RYR3: variants seen among roughly 807,000 people sequenced by gnomAD.
The protein encoded by RYR3 is brain ryanodine receptor-calcium release channel.
RYR3 carries 207 observed loss-of-function variants against 584.3 expected under a neutral mutation model. The ratio of observed to expected loss-of-function variants is 0.35; its 90% confidence interval spans 0.32 to 0.40. RYR3 has a LOEUF of 0.40. RYR3 is among the 10% of genes least tolerant of loss of function. The pLI, the probability that RYR3 is intolerant of heterozygous loss-of-function variation, is 1.00. For synonymous variants in RYR3, 2,416 were observed against 2,248.5 expected (o/e 1.07, Z -2.11); for missense variants, 5,616 against 6,089.2 (o/e 0.92, Z 2.59).
chr15:33,764,318 A>G (rs1329624380), intron 60 of RYR3, among the ~76,000 whole-genome samples: 2 of 151,820 alleles, frequency 1.3e-5, no homozygotes, highest in Non-Finnish European at 3.0e-5. Flanking sequence ...TCAGCAAACT[A>G]ACACAGGAAC....
At chr15:33,799,809 G>T (rs2075824720) in intron 67 of RYR3, among the ~76,000 whole-genome samples, 2 of 152,176 alleles carry the variant, frequency 1.3e-5, no homozygotes, top group Non-Finnish European at 2.9e-5. Context: ...CTAAATCCAG[G>T]TAGTTAGTGT....
At chr15:33,548,898 C>A in intron 9 of RYR3, among the ~76,000 whole-genome samples, 1 of 152,096 alleles carries the variant, frequency 6.6e-6, no homozygotes, top group Non-Finnish European at 1.5e-5. Flanking sequence ...TCTGATTTTC[C>A]TTCTCTGCCT....
chr15:33,765,211 AAG>A (rs1276791891), intron 60 of RYR3, among the ~76,000 whole-genome samples: 2 of 152,130 alleles, frequency 1.3e-5, no homozygotes, highest in Non-Finnish European at 1.5e-5. Context: ...GAAATGAGAA[AAG>A]AGGGGATAGG....
chr15:33,579,317 G>A (rs764821254), intron 12 of RYR3, among the ~76,000 whole-genome samples: 17 of 152,110 alleles, frequency 1.1e-4, no homozygotes, highest in Admixed American at 7.2e-4. Context: ...ACAGAGAAAC[G>A]TGATGAGAAA....
Position 33,412,923 on chromosome 15 carries a change from C to G in RYR3, c.52-60496C>G, listed in dbSNP as rs1457532185. ...TTGACGATGAGAAAAAAATTCTGTT[C>G]AAGAAACTAGCCTATGTACTCCATC... On this transcript the variant is annotated intron_variant, in intron 1 of 103. Coordinates refer to ENST00000634891, the MANE Select transcript of RYR3 (RefSeq NM_001036.6). The surrounding 1 kb of genome is among the most constrained non-coding windows in gnomAD (Gnocchi z 4.3). 1.3e-5 allele frequency among the ~76,000 whole-genome samples: 2 copies of G among 149,208 alleles called. No individual in the cohort carries two copies. The highest frequency in any genetic ancestry group is 2.9e-5 in the Non-Finnish European group (2 of 68,028).
At chr15:33,646,133 T>C (rs916863822) in intron 28 of RYR3, among the ~76,000 whole-genome samples, 1 of 152,156 alleles carries the variant, frequency 6.6e-6, no homozygotes, top group Admixed American at 6.5e-5. Context: ...GTGAGCATGT[T>C]TTTAAATCTC....
chr15:33,796,864 T>G (rs1157728080), intron 67 of RYR3, among the ~76,000 whole-genome samples: 1 of 152,236 alleles, frequency 6.6e-6, no homozygotes, highest in Non-Finnish European at 1.5e-5. Context: ...CATCTATCAA[T>G]GGATGCCTGC....
intron 67 of RYR3, among the ~76,000 whole-genome samples, chr15:33,796,814 A>C (rs976003724): frequency 6.6e-6 from 1 of 152,250 alleles, no homozygotes; most frequent in Non-Finnish European, 1.5e-5. Flanking sequence ...TGTTTATTGC[A>C]GCACTATTCA....
intron 54 of RYR3, 73 bp downstream of exon 54, chr15:33,748,333 G>A: frequency 6.4e-7 from 1 of 1,570,342 alleles, no homozygotes; most frequent in Middle Eastern, 1.7e-4. Flanking sequence ...TTCTGCCTGG[G>A]GCATCGTAGG....
chr15:33,549,780 T>C (rs532944184), intron 9 of RYR3, among the ~76,000 whole-genome samples: 2 of 152,350 alleles, frequency 1.3e-5, no homozygotes, highest in Admixed American at 1.3e-4. Flanking sequence ...TACGTTTTAG[T>C]TCAGATGGCA....
At chr15:33,618,963 T>C (rs78530829) in intron 19 of RYR3, among the ~76,000 whole-genome samples, 1,969 of 152,340 alleles carry the variant, frequency 0.013, 49 homozygotes, top group African/African-American at 0.045. Flanking sequence ...TTGAAAATGC[T>C]GGCAGAGATT....
chr15:33,790,510 G>C (rs2075090399), intron 67 of RYR3, among the ~76,000 whole-genome samples: 1 of 152,172 alleles, frequency 6.6e-6, no homozygotes, highest in Non-Finnish European at 1.5e-5. Flanking sequence ...GGCCTTTTTA[G>C]CAATTGAGGA....
At chr15:33,636,073 C>T (rs186394595) in intron 26 of RYR3, among the ~76,000 whole-genome samples, 7 of 152,248 alleles carry the variant, frequency 4.6e-5, no homozygotes, top group Non-Finnish European at 7.4e-5. Flanking sequence ...CCATTGACTC[C>T]ACTCCAGAGG....
chr15:33,613,578 T>G (rs992692320), intron 19 of RYR3, among the ~76,000 whole-genome samples: 1 of 152,248 alleles, frequency 6.6e-6, no homozygotes, highest in African/African-American at 2.4e-5. Flanking sequence ...GGTTGTATTA[T>G]GTACTCAGAT....
intron 95 of RYR3, 65 bp downstream of exon 95, chr15:33,853,152 T>C: frequency 1.5e-6 from 2 of 1,323,600 alleles, no homozygotes; most frequent in Non-Finnish European, 2.1e-6. Context: ...TTTTTTAAGT[T>C]CTCCACATAC....
chr15:33,655,442 A>T (rs2062771386), intron 32 of RYR3, among the ~76,000 whole-genome samples: 1 of 152,220 alleles, frequency 6.6e-6, no homozygotes, highest in South Asian at 2.1e-4. Flanking sequence ...TAATTTTTTA[A>T]AATGGCATTT....
chr15:33,447,940 G>C (rs754261354), intron 1 of RYR3, among the ~76,000 whole-genome samples: 1 of 152,118 alleles, frequency 6.6e-6, no homozygotes, highest in South Asian at 2.1e-4. Flanking sequence ...TGCCCAAGTT[G>C]GGTCCCCCAA....
At chr15:33,443,437 G>A (rs75613412) in intron 1 of RYR3, among the ~76,000 whole-genome samples, 2,797 of 152,214 alleles carry the variant, frequency 0.018, 77 homozygotes, top group African/African-American at 0.061. Flanking sequence ...AGCCCAAGTT[G>A]TAAACAATGG....
rs762176717 is a variant in RYR3 at position 33,662,521 on chromosome 15, G to C, written c.4991G>C (p.Gly1664Ala). Residue 1664 changes from glycine to alanine, a missense_variant, in exon 35 of 104, where the codon GGG (glycine) becomes GCG (alanine). Coordinates refer to ENST00000634891, the MANE Select transcript of RYR3 (RefSeq NM_001036.6). ...GGCCTGAGAACATGTCTCAAGCCCG[G>C]GTTCAGGTTCTCCACCCCTTGCTTT... ...GVGLRTCLKP[G>A]FRFSTPCFVV... The C allele has an allele frequency of 5.8e-5, 94 of 1,614,020 alleles. 1 individual carries two copies. In the Middle Eastern group the frequency reaches 9.6e-3, roughly 164 times the overall value.
Sources: allele counts gnomAD v4.1 joint callset (sites outside exome capture counted in the v4.1 genomes callset), GRCh38; gene constraint gnomAD v4.1.1; non-coding constraint Gnocchi (gnomAD v3.1); transcripts MANE v1.5; gene names NCBI Gene and HGNC (gene_info 2026-07-23, HGNC 2026-07-21).